The following ZNF724 variants were observed in gnomAD, a reference collection of about 807,000 sequenced individuals.
ZNF724 encodes the protein zinc finger protein 724, also known as zinc finger protein 724 pseudogene.
Under a neutral mutation model 29.3 loss-of-function variants are expected in ZNF724, and 14 were observed. The ratio of observed to expected loss-of-function variants is 0.48; its 90% CI spans 0.32 to 0.75. The LOEUF (loss-of-function observed/expected upper bound fraction) is 0.75. ZNF724 is among the 30% of genes least tolerant of loss of function. The probability of loss-of-function intolerance (pLI) is 0.04; values close to 1 mark genes in which losing one functional copy is unlikely to be tolerated. For missense variants in ZNF724, 557 were observed against 571.2 expected, an observed-to-expected ratio of 0.98 and a Z score of 0.25; for synonymous variants, 180 against 193.6, an observed-to-expected ratio of 0.93 and a Z score of 0.58.
At chr19:23,244,406 G>A (rs909201243) in intron 1 of ZNF724, among the ~76,000 whole-genome samples, 6 of 152,070 alleles carry the variant, frequency 3.9e-5, no homozygotes, top group Admixed American at 1.3e-4. Context: ...ATTGTGAGTC[G>A]GTGGGAATCC....
chr19:23,222,969 C>T lies in ZNF724; in HGVS notation c.1276G>A (p.Glu426Lys), dbSNP rs1269346441. The T allele has an allele frequency of 7.2e-7, 1 of 1,380,696 alleles. No individual in the cohort carries two copies. The allele number at this position is 1,380,696 out of a possible 1,614,324, so 85.5% of individuals were successfully genotyped here. Residue 426 changes from glutamate (E) to lysine (K), a missense_variant, in exon 4 of 4, where the codon GAA becomes AAA. This residue lies in a region of ZNF724 where 362 missense variants were observed against 295.5 expected (regional missense o/e 1.22). Transcript: ENST00000418100. The part of the protein sequence containing the change: ...HTGEKPYKCE[E>K]CGKAFNQFSQ... ...AACTGGTTAAAGGCTTTGCCACATT[C>T]TTCACATTTGTAGGGTTTCTCTCCG...
chr19:23,249,812 G>A (rs1972315298), intron 1 of ZNF724, among the ~76,000 whole-genome samples: 1 of 152,188 alleles, frequency 6.6e-6, no homozygotes, highest in South Asian at 2.1e-4. Context: ...GGGATTACAG[G>A]CGTGAACCAA....
rs116492360 is a variant in ZNF724 at position 23,230,613 on chromosome 19, T to A, written c.226+653A>T. Among the ~76,000 whole-genome samples, 1,480 of 152,244 alleles carry A rather than the reference T, an allele frequency of 9.7e-3. 19 individuals are homozygous for A. Among genetic ancestry groups the A allele is most frequent in the African/African-American group, 0.033 (1,377 of 41,558 alleles). On this transcript the variant is annotated intron_variant, in intron 3 of 3. Coordinates refer to ENST00000418100, the MANE Select transcript of ZNF724 (RefSeq NM_001355404.2). ...AAAACTTAATAGTTTAACACAGAGT[T>A]TCTTAAAATTTCACAGATATTTATG...
In ZNF724 at chr19:23,225,035, T is replaced by C. The variant is rs1412898724; in HGVS notation, c.227-1017A>G. The stretch of plus-strand genomic sequence containing the variant: ...GACAATGCTATGAAAATGAAACTTA[T>C]GTTGATTGTTGATGGAAACCAAGGA... On this transcript the variant is annotated intron_variant, in intron 3 of 3. Transcript: ENST00000418100. Among the ~76,000 whole-genome samples the C allele has an allele frequency of 3.9e-5, 6 of 151,944 alleles. No individual in the cohort carries two copies. In the East Asian group the frequency reaches 7.7e-4, roughly 20 times the overall value.
chr19:23,244,437 G>A (rs1972200882), intron 1 of ZNF724, among the ~76,000 whole-genome samples: 1 of 152,154 alleles, frequency 6.6e-6, no homozygotes, highest in African/African-American at 2.4e-5. Context: ...ACTGTGGAAA[G>A]AGAAGGTCTG....
chr19:23,231,109 C>G, intron 3 of ZNF724, 157 bp downstream of exon 3: 1 of 515,544 alleles, frequency 1.9e-6, no homozygotes, highest in Non-Finnish European at 3.2e-6. Context: ...TCTCGAACAC[C>G]CGACCTTAGG....
At chr19:23,247,315 G>T (rs1240697525) in intron 1 of ZNF724, among the ~76,000 whole-genome samples, 2 of 152,182 alleles carry the variant, frequency 1.3e-5, no homozygotes, top group African/African-American at 2.4e-5. Context: ...GAATATATGA[G>T]TAGGTATTTT....
chr19:23,225,365 G>A (rs1971808661), intron 3 of ZNF724, among the ~76,000 whole-genome samples: 2 of 152,088 alleles, frequency 1.3e-5, no homozygotes, highest in South Asian at 2.1e-4. Context: ...AGCACTTTGG[G>A]AGGCAGAAGC....
In ZNF724 at chr19:23,221,884, TTGATA is replaced by T. The variant is rs80042579; in HGVS notation, c.*496_*500del. The stretch of plus-strand genomic sequence containing the variant: ...GAGCCACCATGCCCAGCTTACACTC[TTGATA>T]TTTTAATGCTTGTCTTCAAAATAAA... On this transcript the variant is annotated 3_prime_UTR_variant, in exon 4 of 4. Transcript: ENST00000418100. 22,292 of 154,988 alleles carry T rather than the reference TTGATA, an allele frequency of 0.14. 1,697 individuals are homozygous for T. Among genetic ancestry groups the T allele is most frequent in the South Asian group, 0.17 (868 of 5,026 alleles). The allele number at this position is 154,988 out of a possible 1,614,324, so 9.6% of individuals were successfully genotyped here.
chr19:23,244,625 C>T (rs1340606001), intron 1 of ZNF724, among the ~76,000 whole-genome samples: 1 of 152,096 alleles, frequency 6.6e-6, no homozygotes, highest in Admixed American at 6.6e-5. Context: ...GGCACAAAAT[C>T]TATAGAGTTT....
intron 1 of ZNF724, among the ~76,000 whole-genome samples, chr19:23,233,899 G>A (rs561455399): frequency 6.6e-6 from 1 of 151,636 alleles, no homozygotes; most frequent in Non-Finnish European, 1.5e-5. Context: ...TTGAGAAAAT[G>A]CCACCTGTTT....
At chr19:23,235,391 TTTAC>T (rs1349980197) in intron 1 of ZNF724, among the ~76,000 whole-genome samples, 4 of 152,216 alleles carry the variant, frequency 2.6e-5, no homozygotes, top group Non-Finnish European at 5.9e-5. Flanking sequence ...TGTGTTCATA[TTTAC>T]TTGTTTGTGA....
At chr19:23,241,777 A>C (rs1972128588) in intron 1 of ZNF724, among the ~76,000 whole-genome samples, 1 of 152,214 alleles carries the variant, frequency 6.6e-6, no homozygotes, top group Middle Eastern at 3.2e-3. Context: ...CAAAGCCAAC[A>C]TACTAAATGG....
chr19:23,231,374 A>C lies in ZNF724; in HGVS notation c.131-13T>G. On this transcript the variant is annotated splice_polypyrimidine_tract_variant and intron_variant, in intron 2 of 3. Transcript: ENST00000418100. The stretch of plus-strand genomic sequence containing the variant: ...GAGACAGCAATACCTGTTTTATTAA[A>C]AATAAATAACATGAATGTTGCTCAT... 3.0e-6 allele frequency: 4 copies of C among 1,332,328 alleles called. No individual in the cohort carries two copies. Among genetic ancestry groups the C allele is most frequent in the Non-Finnish European group, 4.3e-6 (4 of 934,658 alleles). The allele number at this position is 1,332,328 out of a possible 1,614,324, so 82.5% of individuals were successfully genotyped here. A position where few individuals can be genotyped will look rare whatever the true frequency, so the allele number is the denominator to read the frequency against.
At position 23,250,366 on chromosome 19, in the gene ZNF724, G is replaced by A. The variant is rs1322641953; in HGVS notation, c.-124C>T. 2 of 483,612 alleles carry A rather than the reference G, an allele frequency of 4.1e-6. No individual in the cohort carries two copies. Among genetic ancestry groups the A allele is most frequent in the Non-Finnish European group, 8.3e-6 (2 of 241,026 alleles). 30.0% of individuals were successfully genotyped at this position (483,612 alleles called of 1,614,324 possible). A position where few individuals can be genotyped will look rare whatever the true frequency, so the allele number is the denominator to read the frequency against. ...CACAAAGCAGGGAAGACGAGACCAA[G>A]CGCTCCAGCTGCAGCGAGAGACAAA... On this transcript the variant is annotated 5_prime_UTR_variant, in exon 1 of 4. Coordinates refer to ENST00000418100, the MANE Select transcript of ZNF724 (RefSeq NM_001355404.2).
At chr19:23,224,232 G>A (rs1971781740) in intron 3 of ZNF724, among the ~76,000 whole-genome samples, 1 of 151,956 alleles carries the variant, frequency 6.6e-6, no homozygotes, top group African/African-American at 2.4e-5. Context: ...GCCAACTGGT[G>A]AGACCCATCT....
At chr19:23,239,524 A>G (rs758759264) in intron 1 of ZNF724, among the ~76,000 whole-genome samples, 11 of 152,026 alleles carry the variant, frequency 7.2e-5, no homozygotes, top group Non-Finnish European at 1.5e-4. Context: ...GAAACAAATA[A>G]GAAGAACAAA....
At chr19:23,248,955 C>A (rs11883007) in intron 1 of ZNF724, among the ~76,000 whole-genome samples, 4,028 of 152,006 alleles carry the variant, frequency 0.026, 150 homozygotes, top group African/African-American at 0.091. Flanking sequence ...CACTGCACTC[C>A]AGCTTGGGCG....
chr19:23,222,875 T>C lies in ZNF724; in HGVS notation c.1370A>G (p.Lys457Arg), dbSNP rs187911370. 1.1e-5 allele frequency: 16 copies of C among 1,409,376 alleles called. No homozygotes were observed. In the East Asian group the frequency reaches 3.6e-4, roughly 32 times the overall value. The allele number at this position is 1,409,376 out of a possible 1,614,324, so 87.3% of individuals were successfully genotyped here. A position where few individuals can be genotyped will look rare whatever the true frequency, so the allele number is the denominator to read the frequency against. ...EKPYKCKECG[K>R]AFKRSSNLTE... Reference sequence around the variant, plus strand: ...AAGGTTTGAGGACCGCTTAAAAGCTTTGCCACATTCTTTACATTTGTAGGG... The same window carrying C: ...AAGGTTTGAGGACCGCTTAAAAGCTCTGCCACATTCTTTACATTTGTAGGG... Residue 457 changes from lysine (K) to arginine (R), a missense_variant, in exon 4 of 4, where the codon AAA becomes AGA. This residue lies in a region of ZNF724 where 170 missense variants were observed against 220.7 expected (regional missense o/e 0.77). Transcript: ENST00000418100.
Sources: gnomAD v4.1 joint callset for allele counts (sites outside exome capture counted in the v4.1 genomes callset) on GRCh38, gnomAD v4.1.1 for gene constraint, gnomAD v4.1.1 regional missense constraint, MANE v1.5 for transcripts, NCBI Gene and HGNC (gene_info 2026-07-23, HGNC 2026-07-21) for gene names.